The following ASIC2 variants were observed in gnomAD, a reference collection of about 807,000 sequenced individuals.
ASIC2 encodes acid sensing ion channel subunit 2, also known as acid-sensing ion channel 2.
Under a neutral mutation model 57.3 loss-of-function variants are expected in ASIC2, and 25 were observed. The observed-to-expected ratio is 0.44, with a 90% CI of 0.32 to 0.61. ASIC2 has a LOEUF of 0.61. Among genes scored for constraint, ASIC2 ranks in the 20% least tolerant of loss-of-function variants. The probability of loss-of-function intolerance (pLI) is 0.06; values close to 1 mark genes in which losing one functional copy is unlikely to be tolerated. For missense variants in ASIC2, 641 were observed against 738.1 expected (o/e 0.87, Z 1.52); for synonymous variants, 319 against 307.5 (o/e 1.04, Z -0.39).
At chr17:33,661,765 A>T (rs1008217133) in intron 1 of ASIC2, among the ~76,000 whole-genome samples, 1 of 152,144 alleles carries the variant, frequency 6.6e-6, no homozygotes, top group East Asian at 1.9e-4. Context: ...AGTCCTGGAG[A>T]TATTCTGAAT....
At chr17:33,358,576 A>T (rs1429070522) in intron 1 of ASIC2, among the ~76,000 whole-genome samples, 3 of 152,202 alleles carry the variant, frequency 2.0e-5, no homozygotes, top group Non-Finnish European at 4.4e-5. Flanking sequence ...ACAATACATA[A>T]GCTTGGCAAT....
At chr17:33,855,276 A>C (rs1382391321) in intron 1 of ASIC2, among the ~76,000 whole-genome samples, 1 of 152,172 alleles carries the variant, frequency 6.6e-6, no homozygotes, top group African/African-American at 2.4e-5. Context: ...TGCCCCCTCA[A>C]CTGGGTCTGT....
chr17:33,779,245 C>CT (rs1911375932), intron 1 of ASIC2, among the ~76,000 whole-genome samples: 1 of 151,990 alleles, frequency 6.6e-6, no homozygotes, highest in Non-Finnish European at 1.5e-5. Context: ...TCTGTTGTTC[C>CT]TTAAAAAAAA....
chr17:33,799,787 G>A (rs150617185), intron 1 of ASIC2, among the ~76,000 whole-genome samples: 51 of 152,012 alleles, frequency 3.4e-4, no homozygotes, highest in African/African-American at 1.1e-3. Flanking sequence ...GTTGTGTAAC[G>A]AACAACCCAA....
chr17:33,600,552 C>G (rs914944526), intron 1 of ASIC2, among the ~76,000 whole-genome samples: 27 of 152,130 alleles, frequency 1.8e-4, no homozygotes, highest in Admixed American at 5.9e-4. Flanking sequence ...CAGAATTTGG[C>G]AGGTCAGGCT....
At chr17:33,211,071 G>A (rs1907250092) in intron 1 of ASIC2, among the ~76,000 whole-genome samples, 1 of 152,004 alleles carries the variant, frequency 6.6e-6, no homozygotes, top group South Asian at 2.1e-4. Context: ...TTCATGTGGT[G>A]GACTTAATGA....
At chr17:33,856,436 G>A (rs1420185482) in intron 1 of ASIC2, among the ~76,000 whole-genome samples, 1 of 13,764 alleles carries the variant, frequency 7.3e-5, no homozygotes. Context: ...CTAGTAATGA[G>A]GGTGGTAGTA....
At chr17:33,194,582 A>G (rs1906553265) in intron 1 of ASIC2, among the ~76,000 whole-genome samples, 1 of 152,218 alleles carries the variant, frequency 6.6e-6, no homozygotes, top group Non-Finnish European at 1.5e-5. Context: ...TTGGATTTGC[A>G]GCACTGGAAT....
intron 1 of ASIC2, among the ~76,000 whole-genome samples, chr17:33,219,268 C>T (rs1907608764): frequency 6.6e-6 from 1 of 152,188 alleles, no homozygotes. Context: ...GGAAGAAAGG[C>T]AAACCAGCAT....
intron 1 of ASIC2, among the ~76,000 whole-genome samples, chr17:33,986,904 A>G (rs1905838586): frequency 6.6e-6 from 1 of 152,204 alleles, no homozygotes; most frequent in Admixed American, 6.5e-5. Context: ...GGCATTTTTC[A>G]AATGCCAAGG....
chr17:34,121,117 C>T (rs11651108), intron 1 of ASIC2, among the ~76,000 whole-genome samples: 79,091 of 151,848 alleles, frequency 0.52, 21,794 homozygotes, highest in South Asian at 0.63. Flanking sequence ...GAGATTGGAG[C>T]GAGGCATCTA....
chr17:33,460,262 G>A (rs1382870974), intron 1 of ASIC2, among the ~76,000 whole-genome samples: 2 of 152,188 alleles, frequency 1.3e-5, no homozygotes, highest in African/African-American at 2.4e-5. Context: ...TTCCAGGCAT[G>A]TGACACAATT....
At chr17:33,489,629 C>G (rs541451373) in intron 1 of ASIC2, among the ~76,000 whole-genome samples, 68 of 152,340 alleles carry the variant, frequency 4.5e-4, no homozygotes, top group African/African-American at 1.6e-3. Flanking sequence ...GCCACTTCCT[C>G]TAATAAAAGG....
intron 3 of ASIC2, among the ~76,000 whole-genome samples, chr17:33,077,505 A>C (rs533521183): frequency 1.0e-3 from 157 of 152,342 alleles, no homozygotes; most frequent in Admixed American, 2.1e-3. Context: ...ATTAATAGAC[A>C]ATTGACTGCT....
At chr17:34,129,732 G>T (rs1215563306) in intron 1 of ASIC2, among the ~76,000 whole-genome samples, 1 of 152,192 alleles carries the variant, frequency 6.6e-6, no homozygotes, top group African/African-American at 2.4e-5. Flanking sequence ...GTCTACAGAA[G>T]CCTTTTATAA....
At chr17:33,858,397 A>G (rs4795832) in intron 1 of ASIC2, among the ~76,000 whole-genome samples, 37,032 of 152,124 alleles carry the variant, frequency 0.24, 4,677 homozygotes, top group African/African-American at 0.27. Context: ...GCTGCAGAGA[A>G]ATGGCTAATG....
chr17:33,787,203 G>A (rs1049731589), intron 1 of ASIC2, among the ~76,000 whole-genome samples: 1 of 152,216 alleles, frequency 6.6e-6, no homozygotes, highest in South Asian at 2.1e-4. Context: ...TATTTCCAAA[G>A]TTGCCTGAAT....
chr17:33,940,667 A>C (rs1240996273), intron 1 of ASIC2, among the ~76,000 whole-genome samples: 2 of 152,196 alleles, frequency 1.3e-5, no homozygotes, highest in African/African-American at 4.8e-5. Flanking sequence ...CAGAGCTTGG[A>C]TCCTAGCAGG....
intron 1 of ASIC2, among the ~76,000 whole-genome samples, chr17:33,462,816 T>A (rs1912685594): frequency 6.6e-6 from 1 of 152,174 alleles, no homozygotes. Context: ...GCCCATATGA[T>A]ATGTAGTTAG....
Sources: gnomAD v4.1 joint callset for allele counts (sites outside exome capture counted in the v4.1 genomes callset) on GRCh38, gnomAD v4.1.1 for gene constraint, MANE v1.5 for transcripts, NCBI Gene and HGNC (gene_info 2026-07-23, HGNC 2026-07-21) for gene names.